The following R3HDM2 variants were observed in gnomAD, a reference collection of about 807,000 sequenced individuals.
R3HDM2 encodes the protein R3H domain containing 2, also known as R3H domain-containing protein 2.
R3HDM2 carries 38 observed loss-of-function variants against 124.5 expected under a neutral mutation model. That is an observed-to-expected ratio of 0.31 (90% confidence interval 0.24 to 0.40). The LOEUF is 0.40. Among genes scored for constraint, R3HDM2 ranks in the 10% least tolerant of loss-of-function variants. The pLI is 1.00. For missense variants in R3HDM2, 869 were observed against 1,236.9 expected (o/e 0.70, Z 4.46); for synonymous variants, 391 against 448.0 (o/e 0.87, Z 1.61).
intron 1 of R3HDM2, among the ~76,000 whole-genome samples, chr12:57,410,986 CA>C (rs1428722794): frequency 6.6e-6 from 1 of 152,168 alleles, no homozygotes; most frequent in Admixed American, 6.5e-5. Context: ...AATGGGAAAG[CA>C]TACAATTCAT....
At chr12:57,402,723 T>C (rs2068150579) in intron 1 of R3HDM2, among the ~76,000 whole-genome samples, 1 of 151,638 alleles carries the variant, frequency 6.6e-6, no homozygotes, top group Non-Finnish European at 1.5e-5. Flanking sequence ...TGAGCTGAGA[T>C]CACAGCACTG....
At chr12:57,368,993 C>T (rs949595745) in intron 2 of R3HDM2, among the ~76,000 whole-genome samples, 1 of 152,122 alleles carries the variant, frequency 6.6e-6, no homozygotes, top group Non-Finnish European at 1.5e-5. Context: ...GAAGGCAACA[C>T]AAGTGATCTG....
intron 2 of R3HDM2, among the ~76,000 whole-genome samples, chr12:57,380,807 C>G (rs2064758303): frequency 6.6e-6 from 1 of 151,904 alleles, no homozygotes; most frequent in Non-Finnish European, 1.5e-5. Context: ...TACAACATAT[C>G]AAGACCGAAA....
chr12:57,319,281 C>A (rs1222306987), intron 2 of R3HDM2, among the ~76,000 whole-genome samples: 1 of 152,138 alleles, frequency 6.6e-6, no homozygotes, highest in Non-Finnish European at 1.5e-5. Context: ...AGTAATCTGC[C>A]CGCCTCAGCC....
intron 2 of R3HDM2, among the ~76,000 whole-genome samples, chr12:57,342,529 G>A (rs527598830): frequency 6.6e-6 from 1 of 152,014 alleles, no homozygotes. Flanking sequence ...GGCTGTAAGA[G>A]CACCCCCTCC....
chr12:57,382,672 T>C (rs1360977781), intron 2 of R3HDM2, among the ~76,000 whole-genome samples: 1 of 150,098 alleles, frequency 6.7e-6, no homozygotes, highest in East Asian at 2.1e-4. Flanking sequence ...CTGTCTCTAC[T>C]AAAAATACAA....
chr12:57,359,767 T>C (rs2061664238), intron 2 of R3HDM2, among the ~76,000 whole-genome samples: 1 of 98,600 alleles, frequency 1.0e-5, no homozygotes, highest in African/African-American at 3.2e-5. Context: ...ATCTTTTAGA[T>C]TAATTAAGCA....
Position 57,360,028 on chromosome 12 carries a change from CAT to C in R3HDM2, c.-36+35719_-36+35720del, listed in dbSNP as rs1279892811. Among the ~76,000 whole-genome samples, 718 of 94,114 alleles carry C rather than the reference CAT, an allele frequency of 7.6e-3. 16 individuals carry two copies. Among genetic ancestry groups the C allele is most frequent in the African/African-American group, 0.024 (672 of 27,968 alleles). The allele number at this position is 94,114 out of a possible 152,430, so 61.7% of individuals were successfully genotyped here. On this transcript the variant is annotated intron_variant, in intron 2 of 23. Transcript: ENST00000402412. ...ATAAATATATATATATATATACACA[CAT>C]ATATATATATATATATATTTTTTTT...
intron 2 of R3HDM2, among the ~76,000 whole-genome samples, chr12:57,369,769 G>A (rs1437628375): frequency 1.3e-5 from 2 of 152,102 alleles, no homozygotes; most frequent in Non-Finnish European, 2.9e-5. Context: ...GATCCTTGCT[G>A]TTGCCCTTAC....
At chr12:57,284,367 C>T (rs2046863911) in intron 12 of R3HDM2, among the ~76,000 whole-genome samples, 1 of 152,216 alleles carries the variant, frequency 6.6e-6, no homozygotes, top group African/African-American at 2.4e-5. Context: ...GTCTCTTCCC[C>T]ACCCTCTGAG....
chr12:57,330,009 T>C (rs1244957749), intron 2 of R3HDM2, among the ~76,000 whole-genome samples: 1 of 152,220 alleles, frequency 6.6e-6, no homozygotes, highest in East Asian at 1.9e-4. Flanking sequence ...GTTTTGCTCT[T>C]ATTGCCCAGG....
At chr12:57,378,636 C>T (rs1025758712) in intron 2 of R3HDM2, among the ~76,000 whole-genome samples, 2 of 152,196 alleles carry the variant, frequency 1.3e-5, no homozygotes, top group Non-Finnish European at 2.9e-5. Flanking sequence ...GCTTTGGCCT[C>T]CCAAAGTGCT....
chr12:57,289,762 T>C (rs939554792), intron 11 of R3HDM2, among the ~76,000 whole-genome samples: 1 of 152,210 alleles, frequency 6.6e-6, no homozygotes, highest in Non-Finnish European at 1.5e-5. Flanking sequence ...GCTTTTCCAA[T>C]ATACAGCTCA....
rs1049312966 is a variant in R3HDM2 at position 57,418,214 on chromosome 12, CCT to C, written c.-106+12504_-106+12505del. 3 of 985,248 alleles carry C rather than the reference CCT, an allele frequency of 3.0e-6. No homozygotes were observed. In the African/African-American group the frequency reaches 5.2e-5, roughly 17 times the overall value. 61.0% of individuals were successfully genotyped at this position (985,248 alleles called of 1,614,324 possible). A position where few individuals can be genotyped will look rare whatever the true frequency, so the allele number is the denominator to read the frequency against. On this transcript the variant is annotated intron_variant, in intron 1 of 23. Transcript: ENST00000402412. ...AGCGTCATCCATCCACAATTCCTCC[CCT>C]CTTCCCACATTTAAACAATCTCCAA...
intron 1 of R3HDM2, among the ~76,000 whole-genome samples, chr12:57,421,186 C>CA (rs1214578779): frequency 7.8e-6 from 1 of 128,582 alleles, no homozygotes; most frequent in African/African-American, 2.9e-5. Context: ...TTTTCTGAGA[C>CA]AGAGTTTTGC....
At chr12:57,369,234 A>C (rs2063022786) in intron 2 of R3HDM2, among the ~76,000 whole-genome samples, 2 of 152,180 alleles carry the variant, frequency 1.3e-5, no homozygotes, top group Non-Finnish European at 2.9e-5. Context: ...CTAGTTCTGA[A>C]TTAAGATCTC....
At chr12:57,344,833 GT>G (rs1248635587) in intron 2 of R3HDM2, among the ~76,000 whole-genome samples, 11 of 147,332 alleles carry the variant, frequency 7.5e-5, no homozygotes, top group South Asian at 6.5e-4. Context: ...TTTGTTTTTT[GT>G]TTTTTTTTTG....
At chr12:57,279,119 C>A (rs191976016) in intron 14 of R3HDM2, among the ~76,000 whole-genome samples, 8 of 149,926 alleles carry the variant, frequency 5.3e-5, no homozygotes, top group African/African-American at 1.2e-4. Flanking sequence ...GAGCTCTATT[C>A]GTGTGAGAAG....
rs566441982 is a variant in R3HDM2, at chr12:57,254,142, A to C, written c.*631T>G. The C allele has an allele frequency of 4.4e-6, 2 of 456,098 alleles. No homozygotes were observed. The highest frequency in any genetic ancestry group is 3.1e-5 in the South Asian group (2 of 64,388). 28.3% of individuals were successfully genotyped at this position (456,098 alleles called of 1,614,324 possible). On this transcript the variant is annotated 3_prime_UTR_variant, in exon 24 of 24. Transcript: ENST00000402412. ...AGGAGGACAGTGTGGGACTTTCCCAATTCTACCTGACCAAAAAATGAGAAA... is the reference window on the plus strand; with the variant it reads ...AGGAGGACAGTGTGGGACTTTCCCACTTCTACCTGACCAAAAAATGAGAAA...
Sources: gnomAD v4.1 joint callset for allele counts (sites outside exome capture counted in the v4.1 genomes callset) on GRCh38, gnomAD v4.1.1 for gene constraint, MANE v1.5 for transcripts, NCBI Gene and HGNC (gene_info 2026-07-23, HGNC 2026-07-21) for gene names.